Variants in DAPK3 observed in about 807,000 individuals in gnomAD.
DAPK3 encodes death associated protein kinase 3.
DAPK3 carries 24 observed loss-of-function variants against 30.6 expected under a neutral mutation model. That is an observed-to-expected ratio of 0.78 (90% CI 0.57 to 1.10). The LOEUF (loss-of-function observed/expected upper bound fraction) is 1.10, where lower values mean the gene tolerates loss of function less well. Among genes scored for constraint, DAPK3 ranks in the 50% least tolerant of loss-of-function variants. DAPK3 has a pLI of 0.00. For missense variants in DAPK3, 629 were observed against 657.3 expected (o/e 0.96, Z 0.47); for synonymous variants, 341 against 284.0 (o/e 1.20, Z -2.02).
rs1037198662 is a variant in DAPK3 at position 3,966,132 on chromosome 19, C to G, written c.63-1141G>C. ...AGGCTGAGAAAAGGAAAGCAACTAG[C>G]CCAAGGTCATGCAGTCAGTCAGTGG... On this transcript the variant is annotated intron_variant, in intron 2 of 8. Transcript: ENST00000545797. 5.9e-5 allele frequency among the ~76,000 whole-genome samples: 9 copies of G among 152,170 alleles called. 1 individual carries two copies. The highest frequency in any genetic ancestry group is 1.3e-4 in the Non-Finnish European group (9 of 68,042).
chr19:3,969,062 C>A (rs1309389039), intron 2 of DAPK3, among the ~76,000 whole-genome samples: 1 of 152,188 alleles, frequency 6.6e-6, no homozygotes, highest in Non-Finnish European at 1.5e-5. Flanking sequence ...GCCCCTCCCT[C>A]CCCCCACTTT....
chr19:3,966,268 G>A (rs1014112528), intron 2 of DAPK3, among the ~76,000 whole-genome samples: 1 of 152,090 alleles, frequency 6.6e-6, no homozygotes, highest in Non-Finnish European at 1.5e-5. Context: ...CCTACCTCCC[G>A]GCTCCACGCT....
intron 1 of DAPK3, among the ~76,000 whole-genome samples, chr19:3,970,289 A>C (rs1326741395): frequency 6.6e-6 from 1 of 152,072 alleles, no homozygotes; most frequent in Admixed American, 6.6e-5. Context: ...TTTGAGAAGG[A>C]GTCTCGCTCT....
chr19:3,964,525 CCCACACCTCACCCCCACGCGCA>C (rs2039555467), intron 3 of DAPK3, 84 bp downstream of exon 3: 1 of 1,386,594 alleles, frequency 7.2e-7, no homozygotes, highest in Non-Finnish European at 9.7e-7. Context: ...CCCCACGCTC[CCCACACCTCACCCCCACGCGCA>C]GGAGGTGCCT....
chr19:3,970,239 G>T (rs1568195101), intron 1 of DAPK3, among the ~76,000 whole-genome samples: 1 of 152,122 alleles, frequency 6.6e-6, no homozygotes, highest in Non-Finnish European at 1.5e-5. Flanking sequence ...TCTTAACGAA[G>T]TTCTCAAGTC....
Position 3,959,607 on chromosome 19 carries a change from C to G in DAPK3, c.859G>C (p.Asp287His). The G allele has an allele frequency of 6.3e-7, 1 of 1,587,868 alleles. No individual in the cohort carries two copies. Among genetic ancestry groups the G allele is most frequent in the Non-Finnish European group, 8.5e-7 (1 of 1,175,476 alleles). ...AIRRRNVRGE[D>H]SGRKPERRRL... is the part of the protein sequence containing the mutation. ...CGCCGCTCGGGCTTGCGGCCGCTGT[C>G]CTCACCACGCACGTTCCGCCGCCGG... The change falls in exon 9 of 9, where the codon GAC becomes CAC. Residue 287 changes from aspartate to histidine, a missense_variant. Coordinates refer to ENST00000545797, the MANE Select transcript of DAPK3 (RefSeq NM_001348.3).
chr19:3,959,748 C>T (rs2039483363), intron 8 of DAPK3, 111 bp from the exon 9 acceptor site: 4 of 1,237,974 alleles, frequency 3.2e-6, no homozygotes, highest in Non-Finnish European at 3.3e-6. Flanking sequence ...GCAGAGTCAA[C>T]GCCTCGTGAC....
intron 1 of DAPK3, among the ~76,000 whole-genome samples, chr19:3,970,431 C>G (rs780338117): frequency 5.9e-5 from 9 of 152,046 alleles, no homozygotes; most frequent in Non-Finnish European, 1.2e-4. Flanking sequence ...TACCTTAACC[C>G]CTCCTGGTCC....
At chr19:3,970,374 C>T (rs2039621052) in intron 1 of DAPK3, among the ~76,000 whole-genome samples, 1 of 152,090 alleles carries the variant, frequency 6.6e-6, no homozygotes, top group African/African-American at 2.4e-5. Context: ...AGCGATCGTC[C>T]CAGGCCTCCC....
rs2039480861 is a variant in DAPK3 at position 3,959,578 on chromosome 19, G to A, written c.888C>T (p.Arg296=). 6 of 1,583,760 alleles carry A rather than the reference G, an allele frequency of 3.8e-6. No homozygotes were observed. In the East Asian group the frequency reaches 1.4e-4, roughly 36 times the overall value. ...EDSGRKPERR[R]LKTTRLKEYT... ...ACTCCTTCAGACGCGTGGTCTTCAG[G>A]CGCCGCCGCTCGGGCTTGCGGCCGC... Residue 296 remains arginine, a synonymous_variant, in exon 9 of 9, where the codon CGC becomes CGT. Coordinates refer to ENST00000545797, the MANE Select transcript of DAPK3 (RefSeq NM_001348.3).
chr19:3,965,532 C>T (rs896792883), intron 2 of DAPK3, among the ~76,000 whole-genome samples: 6 of 152,008 alleles, frequency 3.9e-5, no homozygotes, highest in African/African-American at 9.7e-5. Context: ...GCAGGAGAAT[C>T]GCTTGAACCT....
At chr19:3,965,560 G>A (rs1363700463) in intron 2 of DAPK3, among the ~76,000 whole-genome samples, 1 of 152,202 alleles carries the variant, frequency 6.6e-6, no homozygotes, top group Non-Finnish European at 1.5e-5. Context: ...AGAGGTTGCA[G>A]TGAACTGAGA....
chr19:3,962,031 G>A (rs1351305095), intron 6 of DAPK3, among the ~76,000 whole-genome samples: 4 of 152,092 alleles, frequency 2.6e-5, no homozygotes, highest in Non-Finnish European at 4.4e-5. Context: ...GCTAATTTTT[G>A]TATTTTTAGT....
chr19:3,965,809 CA>C, intron 2 of DAPK3, among the ~76,000 whole-genome samples: 1 of 151,984 alleles, frequency 6.6e-6, no homozygotes, highest in East Asian at 1.9e-4. Flanking sequence ...GGACTACAGG[CA>C]CATACCACCA....
At chr19:3,969,917 A>T in intron 1 of DAPK3, 88 bp from the exon 2 acceptor site, 1 of 587,974 alleles carries the variant, frequency 1.7e-6, no homozygotes, top group Admixed American at 3.0e-5. Flanking sequence ...CAGCAAACAC[A>T]AGCCTCCCAC....
At chr19:3,962,506 T>C (rs2039528173) in intron 6 of DAPK3, among the ~76,000 whole-genome samples, 1 of 151,504 alleles carries the variant, frequency 6.6e-6, no homozygotes, top group Non-Finnish European at 1.5e-5. Flanking sequence ...CTGGGCACGG[T>C]GGCTCACACC....
At chr19:3,967,969 G>A (rs1180757686) in intron 2 of DAPK3, among the ~76,000 whole-genome samples, 6 of 152,172 alleles carry the variant, frequency 3.9e-5, no homozygotes, top group Non-Finnish European at 8.8e-5. Flanking sequence ...AAAACAGAAG[G>A]CTAAATACTT....
chr19:3,964,568 T>TGGCC, intron 3 of DAPK3, 63 bp downstream of exon 3: 2 of 1,321,030 alleles, frequency 1.5e-6, no homozygotes, highest in Non-Finnish European at 2.1e-6. Context: ...TCCAGGCTCT[T>TGGCC]CCCCGCCCCA....
rs2039476574 is a variant in DAPK3 at position 3,959,316 on chromosome 19, C to A, written c.1150G>T (p.Glu384Ter). ...TTGAGCGCCTCGGTCTTGAGCAGCT[C>A]CTGCCGTAGCCTCCGCAGGTCCTGG... ...LGQDLRRLRQELLKTEALKRQ... is the reference protein window; with the variant it reads ...LGQDLRRLRQ Residue 384 changes from glutamate (E) to a stop codon, truncating the protein, a stop_gained, in exon 9 of 9, where the codon GAG becomes TAG. Coordinates refer to ENST00000545797, the MANE Select transcript of DAPK3 (RefSeq NM_001348.3). LOFTEE classifies it low-confidence loss of function (END_TRUNC). 6.3e-7 allele frequency: 1 copy of A among 1,594,026 alleles called. No homozygotes were observed. Among genetic ancestry groups the A allele is most frequent in the Non-Finnish European group, 8.5e-7 (1 of 1,177,258 alleles).
Sources: allele counts gnomAD v4.1 joint callset (sites outside exome capture counted in the v4.1 genomes callset), GRCh38; gene constraint gnomAD v4.1.1; transcripts MANE v1.5; gene names NCBI Gene and HGNC (gene_info 2026-07-23, HGNC 2026-07-21).